UAP1: variants seen among roughly 807,000 people sequenced by gnomAD.
UAP1 encodes UDP-N-acetylhexosamine pyrophosphorylase.
Under a neutral mutation model 58.5 loss-of-function variants are expected in UAP1, and 25 were observed. The observed-to-expected ratio is 0.43, with a 90% confidence interval of 0.31 to 0.60. UAP1 has a LOEUF of 0.60. UAP1 is among the 20% of genes least tolerant of loss of function. The pLI is 0.11. For synonymous variants in UAP1, 208 were observed against 213.0 expected, an observed-to-expected ratio of 0.98 and a Z score of 0.21; for missense variants, 575 against 630.0, an observed-to-expected ratio of 0.91 and a Z score of 0.93.
chr1:162,581,540 A>G, intron 5 of UAP1, 81 bp downstream of exon 5: 1 of 1,368,658 alleles, frequency 7.3e-7, no homozygotes, highest in South Asian at 1.5e-5. Context: ...AACCAAGTTT[A>G]TTAGGGTGAT....
At chr1:162,585,754 G>T (rs1160787168) in intron 5 of UAP1, among the ~76,000 whole-genome samples, 2 of 146,212 alleles carry the variant, frequency 1.4e-5, no homozygotes, top group Non-Finnish European at 3.0e-5. Context: ...GGAGTATATA[G>T]TGGTGACTGG....
chr1:162,590,231 A>G (rs531542516), intron 7 of UAP1, 92 bp from the exon 8 acceptor site: 17 of 985,846 alleles, frequency 1.7e-5, no homozygotes, highest in East Asian at 1.0e-4. Context: ...AGGAAAGCCT[A>G]TTGTTGAGAC....
chr1:162,600,384 G>T (rs557221605), downstream of UAP1, among the ~76,000 whole-genome samples: 1 of 152,144 alleles, frequency 6.6e-6, no homozygotes, highest in Non-Finnish European at 1.5e-5. Flanking sequence ...AGACAAAGGT[G>T]GTTCTTTAAA....
intron 6 of UAP1, 88 bp from the exon 7 acceptor site, chr1:162,588,605 G>A: frequency 7.1e-7 from 1 of 1,405,008 alleles, no homozygotes; most frequent in East Asian, 2.4e-5. Context: ...AGTATTGGTT[G>A]TTGACACATT....
chr1:162,594,036 TG>T (rs1655482167), intron 9 of UAP1, among the ~76,000 whole-genome samples: 1 of 152,238 alleles, frequency 6.6e-6, no homozygotes, highest in African/African-American at 2.4e-5. Flanking sequence ...CACCAGGGAC[TG>T]GCTTTGTGGA....
chr1:162,570,277 T>TCACACA (rs34065384), intron 2 of UAP1, among the ~76,000 whole-genome samples: 2 of 152,086 alleles, frequency 1.3e-5, no homozygotes, highest in Non-Finnish European at 2.9e-5. Context: ...GTCTTTTCTT[T>TCACACA]CACACACACA....
In UAP1 at chr1:162,590,643, T is replaced by C. The variant is rs1286228833; in HGVS notation, c.1358+132T>C. 6 of 568,768 alleles carry C rather than the reference T, an allele frequency of 1.1e-5. No homozygotes were observed. In the East Asian group the frequency reaches 1.3e-4, roughly 12 times the overall value. The allele number at this position is 568,768 out of a possible 1,614,324, so 35.2% of individuals were successfully genotyped here. ...AAAGTTTTGATGTGTGAACAGTTCCTGATGTGAAATAACAGTAGCTTTGCC... is the reference window on the plus strand; with the variant it reads ...AAAGTTTTGATGTGTGAACAGTTCCCGATGTGAAATAACAGTAGCTTTGCC... On this transcript the variant is annotated intron_variant, in intron 8 of 10. Transcript: ENST00000271469.
At chr1:162,587,167 A>T (rs1654947406) in intron 5 of UAP1, among the ~76,000 whole-genome samples, 1 of 151,966 alleles carries the variant, frequency 6.6e-6, no homozygotes, top group Admixed American at 6.6e-5. Context: ...GGGGATGTTG[A>T]CTCCTGATGT....
chr1:162,576,362 G>A (rs745646554), intron 2 of UAP1, among the ~76,000 whole-genome samples: 1 of 151,492 alleles, frequency 6.6e-6, no homozygotes, highest in Non-Finnish European at 1.5e-5. Flanking sequence ...TATATCTCTC[G>A]GTTCTTACCT....
intron 8 of UAP1, among the ~76,000 whole-genome samples, chr1:162,590,924 AT>A (rs529871740): frequency 0.026 from 3,333 of 126,694 alleles, 71 homozygotes; most frequent in East Asian, 0.097. Context: ...CCTCACCACT[AT>A]TTTTTTTTTT....
chr1:162,579,150 C>G (rs1304229057), intron 3 of UAP1, among the ~76,000 whole-genome samples: 1 of 152,142 alleles, frequency 6.6e-6, no homozygotes, highest in African/African-American at 2.4e-5. Context: ...AAAATGTTTA[C>G]TTAAGCCATT....
downstream of UAP1, among the ~76,000 whole-genome samples, chr1:162,600,120 A>T (rs1441063889): frequency 6.6e-6 from 1 of 152,196 alleles, no homozygotes; most frequent in Non-Finnish European, 1.5e-5. Flanking sequence ...CTGGCATCTA[A>T]TAGGGATTAG....
intron 6 of UAP1, 68 bp downstream of exon 6, chr1:162,587,736 G>A: frequency 6.8e-7 from 1 of 1,468,010 alleles, no homozygotes; most frequent in Non-Finnish European, 9.3e-7. Flanking sequence ...CACTTGAGAG[G>A]GATGCAGACA....
intron 9 of UAP1, 34 bp downstream of exon 9, chr1:162,592,816 A>T (rs977597751): frequency 2.0e-6 from 3 of 1,524,278 alleles, no homozygotes; most frequent in African/African-American, 1.4e-5. Flanking sequence ...GTGCATGGTG[A>T]TGGGGCTGTG....
At chr1:162,598,965 T>C (rs1655775654) in intron 10 of UAP1, among the ~76,000 whole-genome samples, 1 of 151,700 alleles carries the variant, frequency 6.6e-6, no homozygotes, top group Non-Finnish European at 1.5e-5. Flanking sequence ...GCAGTGAGCA[T>C]AGGGGTGAGA....
Position 162,588,689 on chromosome 1 carries a change from T to C in UAP1, c.1029-4T>C. Reference sequence around the variant, plus strand: ...ATTATATCTTTTCTCCTCCTGCTTCTTAGTGTTTATGAACCTCAGTTGCAG... The same window carrying C: ...ATTATATCTTTTCTCCTCCTGCTTCCTAGTGTTTATGAACCTCAGTTGCAG... On this transcript the variant is annotated splice_polypyrimidine_tract_variant and splice_region_variant and intron_variant, in intron 6 of 10. Coordinates refer to ENST00000271469, the Ensembl canonical transcript of UAP1. The C allele has an allele frequency of 6.3e-7, 1 of 1,597,320 alleles. No individual in the cohort carries two copies. Among genetic ancestry groups the C allele is most frequent in the Non-Finnish European group, 8.5e-7 (1 of 1,173,836 alleles).
intron 2 of UAP1, among the ~76,000 whole-genome samples, chr1:162,567,873 T>G (rs1653611971): frequency 6.6e-6 from 1 of 152,188 alleles, no homozygotes; most frequent in African/African-American, 2.4e-5. Context: ...CCTCACTCAC[T>G]GCAACTTCGC....
rs146953035 is a variant in UAP1 at position 162,598,228 on chromosome 1, G to T, written c.1476+370G>T. ...AAAGAAAAAAAAAATTACAAAAAAA[G>T]AAATAAAACTTTTTTAAAAAGTAGA... On this transcript the variant is annotated intron_variant, in intron 10 of 10. Coordinates refer to ENST00000271469, the Ensembl canonical transcript of UAP1. Among the ~76,000 whole-genome samples the T allele has an allele frequency of 9.2e-3, 1,394 of 152,136 alleles. 11 individuals are homozygous for T. The highest frequency in any genetic ancestry group is 0.037 in the Middle Eastern group (11 of 294).
intron 6 of UAP1, 182 bp downstream of exon 6, chr1:162,587,850 G>A: frequency 1.7e-6 from 1 of 589,816 alleles, no homozygotes; most frequent in Non-Finnish European, 2.8e-6. Flanking sequence ...ATTGTAAGGT[G>A]GGAATCATCG....
Sources: gnomAD v4.1 joint callset for allele counts (sites outside exome capture counted in the v4.1 genomes callset) on GRCh38, gnomAD v4.1.1 for gene constraint, MANE v1.5 for transcripts, NCBI Gene and HGNC (gene_info 2026-07-23, HGNC 2026-07-21) for gene names.